The following IMMP1L variants were observed in gnomAD, a reference collection of about 807,000 sequenced individuals.
The protein encoded by IMMP1L is inner mitochondrial membrane peptidase subunit 1, also known as mitochondrial inner membrane protease subunit 1.
A neutral mutation model predicts 21.8 loss-of-function variants in IMMP1L; 24 were observed. The ratio of observed to expected loss-of-function variants is 1.10; its 90% CI spans 0.80 to 1.55. The LOEUF is 1.55. IMMP1L is among the 40% of genes most tolerant of loss of function. The pLI is 0.00. For synonymous variants in IMMP1L, 46 were observed against 62.8 expected (o/e 0.73, Z 1.26); for missense variants, 195 against 200.7 (o/e 0.97, Z 0.17).
intron 1 of IMMP1L, among the ~76,000 whole-genome samples, chr11:31,486,372 T>G (rs1001973062): frequency 6.6e-6 from 1 of 151,922 alleles, no homozygotes; most frequent in Non-Finnish European, 1.5e-5. Flanking sequence ...GATATGTTAC[T>G]AAATAGAATA....
At chr11:31,499,598 CA>C (rs1191182336) in intron 1 of IMMP1L, among the ~76,000 whole-genome samples, 3 of 152,146 alleles carry the variant, frequency 2.0e-5, no homozygotes. Flanking sequence ...CCCAGCCCAT[CA>C]CATGCTTTTG....
chr11:31,461,756 A>G (rs770222149), intron 2 of IMMP1L, among the ~76,000 whole-genome samples: 14 of 152,166 alleles, frequency 9.2e-5, no homozygotes, highest in Non-Finnish European at 1.6e-4. Context: ...TGTATATGCA[A>G]ATATTCCAAA....
At chr11:31,466,710 T>C (rs1954369023) in intron 1 of IMMP1L, among the ~76,000 whole-genome samples, 1 of 151,994 alleles carries the variant, frequency 6.6e-6, no homozygotes, top group Admixed American at 6.6e-5. Flanking sequence ...TAAAAAAATA[T>C]TGAGCCTATG....
At chr11:31,440,333 T>C (rs1591944908) in intron 4 of IMMP1L, among the ~76,000 whole-genome samples, 1 of 152,220 alleles carries the variant, frequency 6.6e-6, no homozygotes, top group African/African-American at 2.4e-5. Context: ...GGAGGGCAAG[T>C]TCATGACCAG....
At chr11:31,497,089 G>T (rs1377606257) in intron 1 of IMMP1L, among the ~76,000 whole-genome samples, 1 of 150,786 alleles carries the variant, frequency 6.6e-6, no homozygotes, top group Non-Finnish European at 1.5e-5. Context: ...CTTAGCAATG[G>T]TTTCACTTAT....
chr11:31,445,180 GA>G (rs1294531230), intron 4 of IMMP1L, among the ~76,000 whole-genome samples: 6 of 152,192 alleles, frequency 3.9e-5, no homozygotes, highest in African/African-American at 1.4e-4. Flanking sequence ...GACTGTAGTA[GA>G]AAATGGTGTT....
intron 1 of IMMP1L, among the ~76,000 whole-genome samples, chr11:31,464,004 T>C: frequency 6.6e-6 from 1 of 152,128 alleles, no homozygotes; most frequent in Admixed American, 6.6e-5. Flanking sequence ...ATCTAAAATA[T>C]TTCTAATATC....
chr11:31,481,051 C>T (rs1471081695), intron 1 of IMMP1L, among the ~76,000 whole-genome samples: 3 of 152,080 alleles, frequency 2.0e-5, no homozygotes, highest in African/African-American at 4.8e-5. Context: ...CAGAAAACCC[C>T]GCGTTCCATA....
intron 4 of IMMP1L, among the ~76,000 whole-genome samples, chr11:31,443,751 C>T (rs1379891349): frequency 6.6e-6 from 1 of 152,160 alleles, no homozygotes; most frequent in Admixed American, 6.5e-5. Context: ...TACATCATTG[C>T]TGGGAACTGT....
intron 1 of IMMP1L, among the ~76,000 whole-genome samples, chr11:31,488,655 C>T (rs775050167): frequency 2.6e-5 from 4 of 151,792 alleles, no homozygotes; most frequent in African/African-American, 4.8e-5. Context: ...AATAAAAAAG[C>T]GGTAGAAAAG....
At chr11:31,477,586 G>A in intron 1 of IMMP1L, 5 of 979,758 alleles carry the variant, frequency 5.1e-6, no homozygotes, top group Non-Finnish European at 6.1e-6. Flanking sequence ...ACATCCAAGA[G>A]ATGGGAAAGG....
intron 1 of IMMP1L, among the ~76,000 whole-genome samples, chr11:31,500,418 A>ATATAAAGATATAT: frequency 6.6e-6 from 1 of 152,320 alleles, no homozygotes; most frequent in Middle Eastern, 3.4e-3. Flanking sequence ...ATATAGAATT[A>ATATAAAGATATAT]AAAGAACAGA....
chr11:31,494,130 C>T (rs953031632), intron 1 of IMMP1L, among the ~76,000 whole-genome samples: 3 of 152,274 alleles, frequency 2.0e-5, no homozygotes, highest in African/African-American at 7.2e-5. Flanking sequence ...TTCAACTCCA[C>T]ATTTCCCTTC....
At chr11:31,471,928 G>A (rs919199285) in intron 1 of IMMP1L, among the ~76,000 whole-genome samples, 20 of 152,154 alleles carry the variant, frequency 1.3e-4, no homozygotes, top group African/African-American at 3.9e-4. Context: ...CTTTAGGGGA[G>A]AATCCATTTC....
intron 1 of IMMP1L, among the ~76,000 whole-genome samples, chr11:31,497,153 T>C (rs185907528): frequency 3.6e-4 from 54 of 151,630 alleles, no homozygotes; most frequent in African/African-American, 1.1e-3. Flanking sequence ...TTTCAACTTA[T>C]GGTATTTTCA....
chr11:31,476,803 T>C (rs1447937169), intron 1 of IMMP1L, among the ~76,000 whole-genome samples: 1 of 152,112 alleles, frequency 6.6e-6, no homozygotes, highest in Non-Finnish European at 1.5e-5. Context: ...TTCTCTCAGT[T>C]TATATTGGAT....
intron 1 of IMMP1L, among the ~76,000 whole-genome samples, chr11:31,470,575 G>T (rs967917730): frequency 6.6e-6 from 1 of 151,796 alleles, no homozygotes; most frequent in Non-Finnish European, 1.5e-5. Context: ...ATATAAAAAA[G>T]AACACTAAAA....
chr11:31,487,246 A>C (rs1051124117), intron 1 of IMMP1L, among the ~76,000 whole-genome samples: 5 of 152,000 alleles, frequency 3.3e-5, no homozygotes, highest in African/African-American at 1.2e-4. Context: ...ATTCTCCACA[A>C]TCCTAATTAA....
intron 1 of IMMP1L, among the ~76,000 whole-genome samples, chr11:31,501,477 G>A (rs74614899): frequency 8.3e-4 from 127 of 152,188 alleles, no homozygotes; most frequent in African/African-American, 2.9e-3. Flanking sequence ...GGACACCCTC[G>A]CTGGATACCA....
Sources: allele counts gnomAD v4.1 joint callset (sites outside exome capture counted in the v4.1 genomes callset), GRCh38; gene constraint gnomAD v4.1.1; transcripts MANE v1.5; gene names NCBI Gene and HGNC (gene_info 2026-07-23, HGNC 2026-07-21).